Variants in MGAT4C observed in about 807,000 individuals in gnomAD.
MGAT4C encodes alpha-1,3-mannosyl-glycoprotein 4-beta-N-acetylglucosaminyltransferase C.
A neutral mutation model predicts 40.1 loss-of-function variants in MGAT4C; 19 were observed. That is an observed-to-expected ratio of 0.47 (90% confidence interval 0.33 to 0.70). MGAT4C has a LOEUF of 0.70. Among genes scored for constraint, MGAT4C ranks in the 30% least tolerant of loss-of-function variants. The pLI is 0.02. For missense variants in MGAT4C, 491 were observed against 563.2 expected (o/e 0.87, Z 1.30); for synonymous variants, 181 against 187.1 (o/e 0.97, Z 0.27).
At chr12:86,709,719 A>ATT (rs1423380572) in intron 2 of MGAT4C, among the ~76,000 whole-genome samples, 7 of 152,100 alleles carry the variant, frequency 4.6e-5, no homozygotes, top group Non-Finnish European at 1.0e-4. Context: ...CTGCCTGAAC[A>ATT]TTTTAAAATA....
intron 1 of MGAT4C, among the ~76,000 whole-genome samples, chr12:86,838,354 C>T (rs1252805849): frequency 6.6e-6 from 1 of 152,018 alleles, no homozygotes; most frequent in Non-Finnish European, 1.5e-5. Context: ...TATTTTTCTT[C>T]ATTATATATT....
intron 2 of MGAT4C, among the ~76,000 whole-genome samples, chr12:86,633,068 G>A (rs892157779): frequency 4.6e-5 from 7 of 151,594 alleles, no homozygotes; most frequent in Admixed American, 6.6e-5. Flanking sequence ...TATATTTGAA[G>A]GGATAATGTG....
intron 2 of MGAT4C, among the ~76,000 whole-genome samples, chr12:86,606,742 G>T (rs1962059335): frequency 6.6e-6 from 1 of 151,744 alleles, no homozygotes. Flanking sequence ...CAAGATTGCT[G>T]GATAAAAAAA....
At chr12:86,213,320 T>C (rs1950555151) in intron 1 of MGAT4C, among the ~76,000 whole-genome samples, 1 of 152,184 alleles carries the variant, frequency 6.6e-6, no homozygotes, top group Non-Finnish European at 1.5e-5. Flanking sequence ...TGCTGCTCTT[T>C]CTATTCCAGG....
intron 2 of MGAT4C, among the ~76,000 whole-genome samples, chr12:86,718,122 G>GC (rs1330164035): frequency 6.6e-6 from 1 of 152,100 alleles, no homozygotes; most frequent in Non-Finnish European, 1.5e-5. Context: ...GCATAGGCAA[G>GC]CCCCCCACAA....
At chr12:86,776,170 T>C (rs780269903) in intron 1 of MGAT4C, among the ~76,000 whole-genome samples, 1 of 152,158 alleles carries the variant, frequency 6.6e-6, no homozygotes, top group Middle Eastern at 3.4e-3. Context: ...TAAGATTAAA[T>C]GTGTTTTAGC....
chr12:86,150,625 C>T (rs1440197962), intron 1 of MGAT4C, among the ~76,000 whole-genome samples: 1 of 152,068 alleles, frequency 6.6e-6, no homozygotes, highest in African/African-American at 2.4e-5. Flanking sequence ...GTGGATGGTG[C>T]AGTATGTGGT....
At chr12:86,065,042 C>A (rs564034875) in intron 1 of MGAT4C, among the ~76,000 whole-genome samples, 1 of 152,234 alleles carries the variant, frequency 6.6e-6, no homozygotes, top group East Asian at 1.9e-4. Context: ...AGACCAATAA[C>A]AAGTTCTGAA....
chr12:86,808,993 C>T (rs1166221933), intron 1 of MGAT4C, among the ~76,000 whole-genome samples: 1 of 152,006 alleles, frequency 6.6e-6, no homozygotes, highest in African/African-American at 2.4e-5. Flanking sequence ...CAACAACCAG[C>T]AAGCCAAGAA....
chr12:86,786,985 C>A (rs1321948055), intron 1 of MGAT4C, among the ~76,000 whole-genome samples: 1 of 152,054 alleles, frequency 6.6e-6, no homozygotes, highest in Non-Finnish European at 1.5e-5. Context: ...GCTTCAGGCC[C>A]ATCAAACAAT....
At chr12:86,095,150 G>T (rs527386954) in intron 1 of MGAT4C, among the ~76,000 whole-genome samples, 11 of 152,240 alleles carry the variant, frequency 7.2e-5, no homozygotes, top group African/African-American at 2.6e-4. Flanking sequence ...GATGTAAGTT[G>T]AAGTTGTTGG....
intron 1 of MGAT4C, among the ~76,000 whole-genome samples, chr12:86,221,822 T>C (rs924970535): frequency 6.6e-5 from 10 of 152,214 alleles, no homozygotes; most frequent in African/African-American, 2.4e-4. Context: ...TCTCTTCTGG[T>C]TCTAAGGGCT....
chr12:86,384,454 A>T (rs1199797286), intron 3 of MGAT4C, among the ~76,000 whole-genome samples: 1 of 152,196 alleles, frequency 6.6e-6, no homozygotes, highest in Non-Finnish European at 1.5e-5. Flanking sequence ...GGTGTTCAGG[A>T]TTGTGACTTT....
At chr12:86,368,586 C>T (rs1232265217) in intron 3 of MGAT4C, among the ~76,000 whole-genome samples, 1 of 151,178 alleles carries the variant, frequency 6.6e-6, no homozygotes, top group African/African-American at 2.4e-5. Context: ...CAGTGTGTTG[C>T]ATTTTTTTGT....
intron 2 of MGAT4C, among the ~76,000 whole-genome samples, chr12:86,043,647 A>G (rs1021466253): frequency 2.0e-5 from 3 of 152,196 alleles, no homozygotes; most frequent in Non-Finnish European, 2.9e-5. Flanking sequence ...CACAGGAACA[A>G]TACTTTACAT....
At chr12:86,270,451 A>G (rs1403744019) in intron 4 of MGAT4C, among the ~76,000 whole-genome samples, 3 of 152,030 alleles carry the variant, frequency 2.0e-5, no homozygotes, top group African/African-American at 7.3e-5. Flanking sequence ...AGCAACCACA[A>G]TTCTATTTTC....
chr12:86,066,662 T>C (rs1182786865), intron 1 of MGAT4C, among the ~76,000 whole-genome samples: 1 of 152,240 alleles, frequency 6.6e-6, no homozygotes, highest in East Asian at 1.9e-4. Flanking sequence ...AAAGACCTCA[T>C]GACTAAAACA....
Position 86,776,761 on chromosome 12 carries a change from T to C in MGAT4C, c.-261-49520A>G, listed in dbSNP as rs149516147. Among the ~76,000 whole-genome samples, 9 of 152,238 alleles carry C rather than the reference T, an allele frequency of 5.9e-5. No homozygotes were observed. In the East Asian group the frequency reaches 9.6e-4, roughly 16 times the overall value. ...CTAAAATGTATGAAACGATCTAGTA[T>C]AGTGTTTTGTACACGTTAGATTACT... On this transcript the variant is annotated intron_variant, in intron 1 of 7. Transcript: ENST00000548651.
intron 2 of MGAT4C, among the ~76,000 whole-genome samples, chr12:86,718,259 C>T (rs374136680): frequency 2.1e-4 from 32 of 152,074 alleles, no homozygotes; most frequent in African/African-American, 7.7e-4. Flanking sequence ...AACAAATGTT[C>T]TCAGTATTTC....
Sources: allele counts gnomAD v4.1 joint callset (sites outside exome capture counted in the v4.1 genomes callset), GRCh38; gene constraint gnomAD v4.1.1; transcripts MANE v1.5; gene names NCBI Gene and HGNC (gene_info 2026-07-23, HGNC 2026-07-21).